Variants in DMC1 observed in about 807,000 individuals in gnomAD.
The protein encoded by DMC1 is meiotic recombination protein DMC1 homolog.
In DMC1, 27 loss-of-function variants were observed where a neutral mutation model predicts 50.1. That is an observed-to-expected ratio of 0.54 (90% CI 0.40 to 0.74). The LOEUF is 0.74. Among genes scored for constraint, DMC1 ranks in the 30% least tolerant of loss-of-function variants. The probability of loss-of-function intolerance (pLI) is 0.00; values close to 1 mark genes in which losing one functional copy is unlikely to be tolerated. For synonymous variants in DMC1, 148 were observed against 136.1 expected (o/e 1.09, Z -0.61); for missense variants, 295 against 420.2 (o/e 0.70, Z 2.60).
intron 12 of DMC1, among the ~76,000 whole-genome samples, chr22:38,530,334 G>C (rs1175576564): frequency 2.0e-5 from 3 of 151,740 alleles, no homozygotes; most frequent in African/African-American, 7.3e-5. Flanking sequence ...TGAGGAAAGA[G>C]AAGAGGTGGT....
intron 2 of DMC1, 107 bp downstream of exon 2, chr22:38,568,099 T>C (rs1440876962): frequency 7.2e-6 from 7 of 976,494 alleles, no homozygotes; most frequent in Non-Finnish European, 9.8e-6. Context: ...TATATAACTA[T>C]GTGTTATTTC....
intron 8 of DMC1, among the ~76,000 whole-genome samples, chr22:38,545,330 G>A (rs1174101903): frequency 6.6e-6 from 1 of 152,168 alleles, no homozygotes; most frequent in Non-Finnish European, 1.5e-5. Context: ...AGGATCACTT[G>A]AGTCCTGGAT....
chr22:38,520,111 G>C, intron 13 of DMC1, 22 bp from the exon 14 acceptor site: 1 of 1,597,250 alleles, frequency 6.3e-7, no homozygotes, highest in Non-Finnish European at 8.6e-7. Flanking sequence ...CAAGGGAACA[G>C]AAGTTTATAA....
chr22:38,567,597 G>C lies in DMC1; in HGVS notation c.82C>G (p.Gln28Glu), dbSNP rs886171430. The C allele has an allele frequency of 1.9e-6, 3 of 1,610,186 alleles. No homozygotes were observed. The highest frequency in any genetic ancestry group is 1.7e-6 in the Non-Finnish European group (2 of 1,176,534). The stretch of plus-strand genomic sequence containing the variant: ...AAACTACTTACAATTCCATGTTTCT[G>C]TAACAGGTCAATATCTTGAAACAAA... Reference protein sequence around the residue: ...ESLFQDIDLLQKHGINVADIK... With the variant: ...ESLFQDIDLLEKHGINVADIK... Residue 28 changes from glutamine (Q) to glutamate (E), a missense_variant, in exon 3 of 14, where the codon CAG (glutamine) becomes GAG (glutamate). Physicochemically the swap from Gln to Glu is conservative, Grantham distance 29 (BLOSUM62 2). Transcript: ENST00000216024.
downstream of DMC1, among the ~76,000 whole-genome samples, chr22:38,517,112 G>A (rs924688619): frequency 4.6e-5 from 7 of 152,238 alleles, no homozygotes; most frequent in African/African-American, 1.4e-4. Context: ...TTAAGGGAAA[G>A]GAATAGTCTC....
At chr22:38,510,005 C>T in the DMC1 span, among the ~76,000 whole-genome samples, 1 of 152,058 alleles carries the variant, frequency 6.6e-6, no homozygotes, top group African/African-American at 2.4e-5. Context: ...ATAGGCCGGG[C>T]CTAATAGAAA....
rs183613598 is a variant in DMC1 at position 38,559,278 on chromosome 22, G to A, written c.326+3009C>T. 2.7e-3 allele frequency among the ~76,000 whole-genome samples: 408 copies of A among 152,110 alleles called. 2 individuals are homozygous for A. Among genetic ancestry groups the A allele is most frequent in the Middle Eastern group, 0.02 (6 of 294 alleles). ...ACTCCTGATCTCAAGTGATCCACCCGCCTCGGCCTCCCAAAACGCTGGGAT... is the reference window on the plus strand; with the variant it reads ...ACTCCTGATCTCAAGTGATCCACCCACCTCGGCCTCCCAAAACGCTGGGAT... On this transcript the variant is annotated intron_variant, in intron 5 of 13. Transcript: ENST00000216024.
intron 11 of DMC1, among the ~76,000 whole-genome samples, chr22:38,537,971 C>T (rs528858582): frequency 4.9e-4 from 75 of 151,986 alleles, no homozygotes; most frequent in African/African-American, 1.7e-3. Flanking sequence ...GGTGAAACCC[C>T]GTCTCTACTA....
At position 38,528,597 on chromosome 22, in the gene DMC1, A is replaced by C. The variant is rs547133399; in HGVS notation, c.837-6873T>G. On this transcript the variant is annotated intron_variant, in intron 12 of 13. Transcript: ENST00000216024. ...GGCCCACAAGTTTGAGACTAGGCTG[A>C]CAACAGGGTGAAACCCTATCTGTAC... is the stretch of plus-strand genomic sequence containing the variant. Among the ~76,000 whole-genome samples the C allele has an allele frequency of 1.2e-3, 176 of 151,988 alleles. No individual in the cohort carries two copies. In the Middle Eastern group the frequency reaches 0.014, roughly 12 times the overall value.
At chr22:38,552,753 G>C in intron 6 of DMC1, 46 bp from the exon 7 acceptor site, 1 of 1,278,288 alleles carries the variant, frequency 7.8e-7, no homozygotes, top group East Asian at 2.3e-5. Flanking sequence ...ATAATTTCCA[G>C]ATATTTTCAT....
In DMC1 at chr22:38,538,345, C is replaced by T. The variant is rs1264677043; in HGVS notation, c.725G>A (p.Arg242Gln). Residue 242 changes from arginine to glutamine, a missense_variant, in exon 11 of 14, where the codon CGG becomes CAG. Physicochemically the swap from Arg to Gln is conservative, Grantham distance 43. Coordinates refer to ENST00000216024, the MANE Select transcript of DMC1 (RefSeq NM_007068.4). ...DFSGRGELAERQQKLAQMLSR... is the reference protein window; with the variant it reads ...DFSGRGELAEQQQKLAQMLSR... Reference sequence around the variant, plus strand: ...CAACATCTGGGCCAATTTTTGCTGCCGTTCGGCCAACTCCCCACGGCCACT... The same window carrying T: ...CAACATCTGGGCCAATTTTTGCTGCTGTTCGGCCAACTCCCCACGGCCACT... The T allele has an allele frequency of 2.5e-6, 4 of 1,613,848 alleles. No homozygotes were observed. The highest frequency in any genetic ancestry group is 3.4e-6 in the Non-Finnish European group (4 of 1,180,022).
rs2090624400 is a variant in DMC1, at chr22:38,570,130, G to C, written c.-121C>G. 3 of 152,112 alleles carry C rather than the reference G, an allele frequency of 2.0e-5. No individual in the cohort carries two copies. Among genetic ancestry groups the C allele is most frequent in the South Asian group, 4.2e-4 (2 of 4,816 alleles). 9.4% of individuals were successfully genotyped at this position (152,112 alleles called of 1,614,324 possible). On this transcript the variant is annotated 5_prime_UTR_variant, in exon 1 of 14. Coordinates refer to ENST00000216024, the MANE Select transcript of DMC1 (RefSeq NM_007068.4). Reference sequence around the variant, plus strand: ...TCCTCAGCTGACAGGATTCTAACTCGGGCCTAGAACACGGAGCCTGGAGAC... The same window carrying C: ...TCCTCAGCTGACAGGATTCTAACTCCGGCCTAGAACACGGAGCCTGGAGAC...
intron 6 of DMC1, among the ~76,000 whole-genome samples, chr22:38,553,111 G>A (rs9610976): frequency 0.058 from 8,614 of 149,774 alleles, 362 homozygotes; most frequent in Middle Eastern, 0.1. Context: ...GCCTCCCAAA[G>A]TGCTGGGATT....
chr22:38,560,407 T>A (rs1279983024), intron 5 of DMC1, among the ~76,000 whole-genome samples: 1 of 152,046 alleles, frequency 6.6e-6, no homozygotes, highest in Non-Finnish European at 1.5e-5. Context: ...GGACTTTGGC[T>A]TCTTTTCTGA....
the DMC1 span, among the ~76,000 whole-genome samples, chr22:38,509,795 G>A: frequency 2.6e-5 from 4 of 151,954 alleles, no homozygotes; most frequent in Non-Finnish European, 4.4e-5. Context: ...TCAGCCTTCT[G>A]AGTGGCTGGG....
chr22:38,526,883 C>T (rs930492834), intron 12 of DMC1, among the ~76,000 whole-genome samples: 4 of 152,098 alleles, frequency 2.6e-5, no homozygotes, highest in Non-Finnish European at 2.9e-5. Flanking sequence ...ATAAACTGGC[C>T]GTCTGGTTCT....
At chr22:38,541,889 C>T (rs899183461) in intron 8 of DMC1, among the ~76,000 whole-genome samples, 1 of 151,702 alleles carries the variant, frequency 6.6e-6, no homozygotes, top group Non-Finnish European at 1.5e-5. Context: ...TAGGATTCGT[C>T]TCAGGGATGC....
chr22:38,550,317 C>CT (rs11458767), intron 7 of DMC1, among the ~76,000 whole-genome samples: 9,268 of 133,886 alleles, frequency 0.069, 722 homozygotes, highest in African/African-American at 0.18. Flanking sequence ...CTTTTCTTTT[C>CT]TTTTTTTTTT....
chr22:38,514,945 C>CTT (rs1225224373), downstream of DMC1, among the ~76,000 whole-genome samples: 17 of 121,960 alleles, frequency 1.4e-4, no homozygotes, highest in South Asian at 2.6e-4. Context: ...TTTTTTTATT[C>CTT]TTTTTTTTTT....
Sources: allele counts gnomAD v4.1 joint callset (sites outside exome capture counted in the v4.1 genomes callset), GRCh38; gene constraint gnomAD v4.1.1; transcripts MANE v1.5; gene names NCBI Gene and HGNC (gene_info 2026-07-23, HGNC 2026-07-21).